The following PNO1 variants were observed in gnomAD, a reference collection of about 807,000 sequenced individuals.
PNO1 encodes the protein RNA-binding protein PNO1.
Under a neutral mutation model 28.4 loss-of-function variants are expected in PNO1, and 16 were observed. The observed-to-expected ratio is 0.56, with a 90% CI of 0.38 to 0.85. PNO1 has a LOEUF of 0.85. PNO1 is among the 40% of genes least tolerant of loss of function. The pLI is 0.00. For synonymous variants in PNO1, 115 were observed against 110.8 expected, an observed-to-expected ratio of 1.04 and a Z score of -0.24; for missense variants, 304 against 312.2, an observed-to-expected ratio of 0.97 and a Z score of 0.20.
chr2:68,171,311 G>A (rs1289506644), intron 5 of PNO1, among the ~76,000 whole-genome samples: 5 of 152,026 alleles, frequency 3.3e-5, no homozygotes, highest in African/African-American at 1.2e-4. Flanking sequence ...TTCCAAAAAC[G>A]CCCCCATGCT....
At position 68,176,168 on chromosome 2, in the gene PNO1, T is replaced by TTTA. The variant is rs2103701410; in HGVS notation, c.*1367_*1369dup. 1 of 152,342 alleles carries TTTA rather than the reference T, an allele frequency of 6.6e-6. No homozygotes were observed. The highest frequency in any genetic ancestry group is 1.9e-4 in the East Asian group (1 of 5,190). 9.4% of individuals were successfully genotyped at this position (152,342 alleles called of 1,614,324 possible). A position where few individuals can be genotyped will look rare whatever the true frequency, so the allele number is the denominator to read the frequency against. ...ATGCAGATTAGCTAGTTTCTGCCTGTTTAAATGGTATTATTTTATACATTA... is the reference window on the plus strand; with the variant it reads ...ATGCAGATTAGCTAGTTTCTGCCTGTTTATTAAATGGTATTATTTTATACATTA... On this transcript the variant is annotated 3_prime_UTR_variant, in exon 7 of 7. Transcript: ENST00000263657.
rs889510425 is a variant in PNO1 at position 68,162,616 on chromosome 2, A to G, written c.573A>G (p.Lys191=). The G allele has an allele frequency of 6.2e-7, 1 of 1,613,690 alleles. No individual in the cohort carries two copies. The highest frequency in any genetic ancestry group is 1.3e-5 in the African/African-American group (1 of 74,914). The change falls in exon 5 of 7, where the codon AAA becomes AAG. Residue 191 remains lysine (K), a synonymous_variant. Coordinates refer to ENST00000263657, the MANE Select transcript of PNO1 (RefSeq NM_020143.4). ...TCGCTGGCAAAGGAGGAAAAACCAA[A>G]TTCACCATAGAGAATGTGACACGGA... ...GRIAGKGGKT[K]FTIENVTRTR...
At chr2:68,159,906 A>C (rs1466015434) in intron 2 of PNO1, among the ~76,000 whole-genome samples, 1 of 151,818 alleles carries the variant, frequency 6.6e-6, no homozygotes, top group African/African-American at 2.4e-5. Flanking sequence ...TGCCAGATTA[A>C]GTTTCCCAGA....
In PNO1 at chr2:68,157,985, C is replaced by G. The variant is rs754619457; in HGVS notation, c.51C>G (p.Thr17=). ...GCGCCAGGGCAGAGGAGGGCTTTACCCAGGTCACCCGCAAGGGTGGCCGAC... is the reference window on the plus strand; with the variant it reads ...GCGCCAGGGCAGAGGAGGGCTTTACGCAGGTCACCCGCAAGGGTGGCCGAC... ...TQSARAEEGF[T]QVTRKGGRRA... Residue 17 remains threonine (T), a synonymous_variant, in exon 1 of 7, where the codon ACC becomes ACG. Coordinates refer to ENST00000263657, the MANE Select transcript of PNO1 (RefSeq NM_020143.4). The G allele has an allele frequency of 6.2e-7, 1 of 1,614,124 alleles. No homozygotes were observed. Among genetic ancestry groups the G allele is most frequent in the Non-Finnish European group, 8.5e-7 (1 of 1,180,020 alleles).
At chr2:68,158,188 C>T (rs1319127482) in intron 1 of PNO1, 47 bp downstream of exon 1, 4 of 1,515,336 alleles carry the variant, frequency 2.6e-6, no homozygotes, top group Non-Finnish European at 3.6e-6. Flanking sequence ...GGGCCAGACG[C>T]GGATCAAGCC....
Position 68,158,980 on chromosome 2 carries a change from A to G in PNO1, c.357+451A>G, listed in dbSNP as rs527499612. ...GTGTACTTACACAAACCTAGATGGT[A>G]TGTGTATATTTGTTTATATATTTTT... On this transcript the variant is annotated intron_variant, in intron 2 of 6. Coordinates refer to ENST00000263657, the MANE Select transcript of PNO1 (RefSeq NM_020143.4). 2.0e-5 allele frequency among the ~76,000 whole-genome samples: 3 copies of G among 152,340 alleles called. No homozygotes were observed. The East Asian group carries it at 5.8e-4, about 29-fold the overall frequency.
chr2:68,169,653 G>T (rs1674078104), intron 5 of PNO1, among the ~76,000 whole-genome samples: 1 of 152,168 alleles, frequency 6.6e-6, no homozygotes, highest in Non-Finnish European at 1.5e-5. Flanking sequence ...TATGGCTTGT[G>T]TTTGTGTGCG....
At chr2:68,165,233 G>A (rs1315580514) in intron 5 of PNO1, among the ~76,000 whole-genome samples, 2 of 150,704 alleles carry the variant, frequency 1.3e-5, no homozygotes, top group Admixed American at 6.6e-5. Context: ...GCGTAGTGGC[G>A]GGCGCCTGTA....
chr2:68,162,281 T>C lies in PNO1; in HGVS notation c.458T>C (p.Ile153Thr), dbSNP rs777308618. 1 of 1,613,022 alleles carries C rather than the reference T, an allele frequency of 6.2e-7. No individual in the cohort carries two copies. Among genetic ancestry groups the C allele is most frequent in the South Asian group, 1.1e-5 (1 of 91,044 alleles). ...GFQVEDALAL[I>T]RLDDLFLESF... ...ATATTATAGGATGCACTTGCCCTCA[T>C]CAGGTTGGATGACCTCTTCCTAGAG... The change falls in exon 4 of 7, where the codon ATC becomes ACC. Residue 153 changes from isoleucine (I) to threonine (T), a missense_variant. Coordinates refer to ENST00000263657, the MANE Select transcript of PNO1 (RefSeq NM_020143.4).
chr2:68,161,455 T>C (rs1572936761), intron 2 of PNO1: 4 of 520,386 alleles, frequency 7.7e-6, no homozygotes, highest in Non-Finnish European at 1.4e-5. Flanking sequence ...GTTAGTTATT[T>C]GACACTCTTT....
chr2:68,162,630 A>G lies in PNO1; in HGVS notation c.587A>G (p.Asn196Ser), dbSNP rs756705459. 1.9e-6 allele frequency: 3 copies of G among 1,612,566 alleles called. No individual in the cohort carries two copies. Among genetic ancestry groups the G allele is most frequent in the Non-Finnish European group, 1.7e-6 (2 of 1,178,602 alleles). ...GGAAAAACCAAATTCACCATAGAGA[A>G]TGTGACACGGACAAGGATAGTTTTG... ...KGGKTKFTIE[N>S]VTRTRIVLAD... Residue 196 changes from asparagine to serine, a missense_variant, in exon 5 of 7, where the codon AAT (asparagine) becomes AGT (serine). Coordinates refer to ENST00000263657, the MANE Select transcript of PNO1 (RefSeq NM_020143.4).
Position 68,157,929 on chromosome 2 carries a change from C to A in PNO1, c.-6C>A, listed in dbSNP as rs754129314. The A allele has an allele frequency of 1.2e-6, 2 of 1,613,476 alleles. No individual in the cohort carries two copies. The highest frequency in any genetic ancestry group is 1.7e-6 in the Non-Finnish European group (2 of 1,179,686). On this transcript the variant is annotated 5_prime_UTR_variant, in exon 1 of 7. Transcript: ENST00000263657. ...TTCAGCCGGCAGCGCTTTAAGATTT[C>A]CGGGGATGGAATCCGAAATGGAAAC...
chr2:68,165,378 A>AC (rs1673960691), intron 5 of PNO1, among the ~76,000 whole-genome samples: 1 of 19,292 alleles, frequency 5.2e-5, no homozygotes, highest in Admixed American at 5.6e-4. Flanking sequence ...AAAAAAAAAA[A>AC]ACAACAAAAA....
At chr2:68,170,244 A>G (rs1043996995) in intron 5 of PNO1, among the ~76,000 whole-genome samples, 4 of 152,190 alleles carry the variant, frequency 2.6e-5, no homozygotes, top group Admixed American at 6.5e-5. Context: ...ACTAAAAACA[A>G]TTGGTTCCAG....
At chr2:68,166,816 C>T (rs1572940168) in intron 5 of PNO1, among the ~76,000 whole-genome samples, 1 of 152,232 alleles carries the variant, frequency 6.6e-6, no homozygotes, top group African/African-American at 2.4e-5. Context: ...TCATCTTCCT[C>T]ATCACCCGGC....
In PNO1 at chr2:68,159,516, T is replaced by A. The variant is rs191356615; in HGVS notation, c.357+987T>A. 1.7e-3 allele frequency among the ~76,000 whole-genome samples: 265 copies of A among 152,178 alleles called. 1 individual carries two copies. The highest frequency in any genetic ancestry group is 5.9e-3 in the African/African-American group (245 of 41,504). ...CTGCCCCACCGAGCCTATGTATATA[T>A]TTTAAATTCTGTGCTATCAATCCGG... On this transcript the variant is annotated intron_variant, in intron 2 of 6. Coordinates refer to ENST00000263657, the MANE Select transcript of PNO1 (RefSeq NM_020143.4).
chr2:68,174,322 T>G (rs1348299436), intron 6 of PNO1, among the ~76,000 whole-genome samples: 5 of 115,728 alleles, frequency 4.3e-5, no homozygotes, highest in Non-Finnish European at 1.8e-5. Context: ...TAATTTCCAA[T>G]TAAAATGTCT....
intron 2 of PNO1, chr2:68,161,166 C>T (rs1228448428): frequency 2.1e-6 from 1 of 467,260 alleles, no homozygotes; most frequent in Non-Finnish European, 4.4e-6. Flanking sequence ...CTCAAATAAA[C>T]TTTGAGGACA....
intron 4 of PNO1, 38 bp downstream of exon 4, chr2:68,162,363 T>C: frequency 6.6e-7 from 1 of 1,511,356 alleles, no homozygotes. Context: ...TGTCGCTGAC[T>C]TTGTATTGTG....
Sources: allele counts gnomAD v4.1 joint callset (sites outside exome capture counted in the v4.1 genomes callset), GRCh38; gene constraint gnomAD v4.1.1; transcripts MANE v1.5; gene names NCBI Gene and HGNC (gene_info 2026-07-23, HGNC 2026-07-21).